RANBP17: variants seen among roughly 807,000 people sequenced by gnomAD.
The protein encoded by RANBP17 is ran-binding protein 17.
A neutral mutation model predicts 141.2 loss-of-function variants in RANBP17; 158 were observed. The ratio of observed to expected loss-of-function variants is 1.12; its 90% CI spans 0.98 to 1.28. RANBP17 has a LOEUF of 1.28. RANBP17 is among the 50% of genes most tolerant of loss of function. RANBP17 has a pLI of 0.00. For synonymous variants in RANBP17, 430 were observed against 450.0 expected, an observed-to-expected ratio of 0.96 and a Z score of 0.56; for missense variants, 1,438 against 1,290.7, an observed-to-expected ratio of 1.11 and a Z score of -1.75.
intron 5 of RANBP17, 36 bp from the exon 6 acceptor site, chr5:170,909,622 ATAG>A: frequency 1.5e-6 from 1 of 673,542 alleles, no homozygotes; most frequent in Middle Eastern, 3.7e-4. Context: ...TTGCTTTTTC[ATAG>A]GTCTGGTTAA....
At chr5:170,933,506 A>G (rs1158031032) in intron 12 of RANBP17, among the ~76,000 whole-genome samples, 5 of 152,152 alleles carry the variant, frequency 3.3e-5, no homozygotes, top group African/African-American at 1.2e-4. Context: ...TTGTGATGTT[A>G]GGGTGTCAAT....
chr5:170,978,809 C>CAG (rs397769676), intron 14 of RANBP17, among the ~76,000 whole-genome samples: 1 of 151,514 alleles, frequency 6.6e-6, no homozygotes, highest in Admixed American at 6.6e-5. Context: ...TATAAAGACA[C>CAG]TGAGCTCATA....
At position 171,138,386 on chromosome 5, in the gene RANBP17, G is replaced by A. The variant is rs1328756806; in HGVS notation, c.1711-31744G>A. Among the ~76,000 whole-genome samples, 3 of 152,092 alleles carry A rather than the reference G, an allele frequency of 2.0e-5. 1 individual carries two copies. The highest frequency in any genetic ancestry group is 2.9e-5 in the Non-Finnish European group (2 of 68,026). The stretch of plus-strand genomic sequence containing the variant: ...CTCATGAATGCCATAAGAATAACTG[G>A]GCTAGATAGTTAATAAGTTGGTAGA... On this transcript the variant is annotated intron_variant, in intron 14 of 27. Transcript: ENST00000523189.
chr5:171,187,530 A>G (rs1020500552), intron 18 of RANBP17, among the ~76,000 whole-genome samples: 2 of 152,214 alleles, frequency 1.3e-5, no homozygotes, highest in African/African-American at 4.8e-5. Flanking sequence ...TATACAATAA[A>G]TAACATAAAA....
chr5:171,060,477 A>G lies in RANBP17; in HGVS notation c.1710+92100A>G, dbSNP rs74823106. Among the ~76,000 whole-genome samples, 392 of 151,686 alleles carry G rather than the reference A, an allele frequency of 2.6e-3. 2 individuals carry two copies. Among genetic ancestry groups the G allele is most frequent in the African/African-American group, 8.9e-3 (367 of 41,344 alleles). On this transcript the variant is annotated intron_variant, in intron 14 of 27. Transcript: ENST00000523189. ...TGCTGGATTACATTTATTGATTTGCATATATTGAACCAGCCTTGCATCCCA... is the reference window on the plus strand; with the variant it reads ...TGCTGGATTACATTTATTGATTTGCGTATATTGAACCAGCCTTGCATCCCA...
At chr5:171,276,720 C>G (rs1767509171) in intron 25 of RANBP17, among the ~76,000 whole-genome samples, 1 of 151,866 alleles carries the variant, frequency 6.6e-6, no homozygotes, top group African/African-American at 2.4e-5. Flanking sequence ...TCATGTAAAG[C>G]AGATAGAGAA....
chr5:170,894,058 C>T (rs1282245020), intron 4 of RANBP17, among the ~76,000 whole-genome samples: 2 of 152,146 alleles, frequency 1.3e-5, no homozygotes, highest in African/African-American at 2.4e-5. Context: ...ACCTGGTTAA[C>T]AAATATTTGA....
intron 14 of RANBP17, among the ~76,000 whole-genome samples, chr5:171,058,261 T>A: frequency 6.6e-6 from 1 of 150,574 alleles, no homozygotes; most frequent in South Asian, 2.1e-4. Flanking sequence ...GCTGCACCCA[T>A]TAACTCATCA....
At chr5:170,924,586 TGAATATTAAGTAACATCA>T in intron 12 of RANBP17, 36 bp downstream of exon 12, 2 of 1,314,014 alleles carry the variant, frequency 1.5e-6, no homozygotes, top group Non-Finnish European at 1.1e-6. Context: ...AGTATTATGT[TGAATATTAAGTAACATCA>T]TTAATCACTT....
chr5:171,287,833 C>T (rs1293400933), intron 25 of RANBP17, among the ~76,000 whole-genome samples: 1 of 152,096 alleles, frequency 6.6e-6, no homozygotes, highest in African/African-American at 2.4e-5. Flanking sequence ...TTCAGCCAGG[C>T]TGGACCAGGG....
At chr5:170,992,470 T>C (rs535298175) in intron 14 of RANBP17, among the ~76,000 whole-genome samples, 2 of 152,110 alleles carry the variant, frequency 1.3e-5, no homozygotes, top group African/African-American at 4.8e-5. Context: ...AATCAAGATA[T>C]GAATACTGTA....
At chr5:171,142,663 A>G (rs755312979) in intron 14 of RANBP17, among the ~76,000 whole-genome samples, 2 of 152,228 alleles carry the variant, frequency 1.3e-5, no homozygotes, top group Non-Finnish European at 2.9e-5. Flanking sequence ...TAGAAGAAGA[A>G]GCCTGTCTCT....
intron 14 of RANBP17, among the ~76,000 whole-genome samples, chr5:170,987,538 T>A (rs1778224683): frequency 1.2e-5 from 1 of 80,708 alleles, no homozygotes; most frequent in South Asian, 1.1e-3. Context: ...AGATAGGCCT[T>A]TTTAAAAAAA....
intron 12 of RANBP17, among the ~76,000 whole-genome samples, chr5:170,932,258 G>C (rs1441764837): frequency 6.6e-6 from 1 of 151,964 alleles, no homozygotes; most frequent in African/African-American, 2.4e-5. Flanking sequence ...CACTGATTTT[G>C]TATCCTGAGA....
chr5:171,113,590 A>G (rs1193239061), intron 14 of RANBP17, among the ~76,000 whole-genome samples: 2 of 152,142 alleles, frequency 1.3e-5, no homozygotes, highest in Non-Finnish European at 2.9e-5. Flanking sequence ...GCTATAATTA[A>G]CCCTCATTTT....
chr5:171,263,860 C>T (rs1318951694), intron 24 of RANBP17, among the ~76,000 whole-genome samples: 3 of 152,088 alleles, frequency 2.0e-5, no homozygotes, highest in Non-Finnish European at 4.4e-5. Context: ...CTCAGGAGTT[C>T]AAGGCCAGCC....
chr5:171,277,643 A>ATG (rs1767593264), intron 25 of RANBP17, among the ~76,000 whole-genome samples: 4 of 117,206 alleles, frequency 3.4e-5, no homozygotes, highest in Non-Finnish European at 5.3e-5. Context: ...GTATGTATAT[A>ATG]TATATATATA....
intron 14 of RANBP17, among the ~76,000 whole-genome samples, chr5:170,972,578 T>C (rs1187317347): frequency 6.6e-6 from 1 of 152,182 alleles, no homozygotes; most frequent in Non-Finnish European, 1.5e-5. Flanking sequence ...TTAGAGTGTA[T>C]CACTATGCCA....
chr5:171,159,815 C>T (rs545813490), intron 14 of RANBP17, among the ~76,000 whole-genome samples: 7 of 143,494 alleles, frequency 4.9e-5, no homozygotes, highest in South Asian at 2.3e-4. Flanking sequence ...CCCAGCTACT[C>T]GGGAGGCTGA....
Sources: gnomAD v4.1 joint callset for allele counts (sites outside exome capture counted in the v4.1 genomes callset) on GRCh38, gnomAD v4.1.1 for gene constraint, MANE v1.5 for transcripts, NCBI Gene and HGNC (gene_info 2026-07-23, HGNC 2026-07-21) for gene names.